Variants in TRIM67 observed in about 807,000 individuals in gnomAD.
TRIM67 encodes the protein tripartite motif-containing protein 67.
In TRIM67, 39 loss-of-function variants were observed where a neutral mutation model predicts 71.0. The ratio of observed to expected loss-of-function variants is 0.55; its 90% CI spans 0.43 to 0.72. TRIM67 has a LOEUF of 0.72. Ranked by LOEUF, TRIM67 falls within the 30% of genes least tolerant of loss-of-function variation. The probability of loss-of-function intolerance (pLI) is 0.00; values close to 1 mark genes in which losing one functional copy is unlikely to be tolerated. For synonymous variants in TRIM67, 481 were observed against 473.9 expected, an observed-to-expected ratio of 1.01 and a Z score of -0.19; for missense variants, 973 against 1,079.2, an observed-to-expected ratio of 0.90 and a Z score of 1.38.
rs1322172292 is a variant in TRIM67 at position 231,201,469 on chromosome 1, C to T, written c.1486C>T (p.Leu496=). 6.2e-7 allele frequency: 1 copy of T among 1,613,928 alleles called. No individual in the cohort carries two copies. The highest frequency in any genetic ancestry group is 8.5e-7 in the Non-Finnish European group (1 of 1,179,870). ...TGATCTGACTTTGGACAGCGAGCCG[C>T]TGCTGCAGGCCATCCACCAGCTGGA... ...EFDLTLDSEP[L]LQAIHQLDFI... is the part of the protein sequence containing the mutation. The change falls in exon 5 of 10, where the codon CTG becomes TTG. Residue 496 remains leucine, a synonymous_variant. Transcript: ENST00000366653.
rs1684044454 is a variant in TRIM67 at position 231,217,521 on chromosome 1, G to A, written c.*2081G>A. ...GAGACGATCCCTAAAGATTGAGGAT[G>A]AAGAGGAGCCACCACTTTCCTGGGG... On this transcript the variant is annotated 3_prime_UTR_variant, in exon 10 of 10. Coordinates refer to ENST00000366653, the MANE Select transcript of TRIM67 (RefSeq NM_001004342.5). 7 of 1,006,706 alleles carry A rather than the reference G, an allele frequency of 7.0e-6. No homozygotes were observed. The South Asian group carries it at 2.9e-4, about 42-fold the overall frequency. 62.4% of individuals were successfully genotyped at this position (1,006,706 alleles called of 1,614,324 possible).
Position 231,217,068 on chromosome 1 carries a change from G to A in TRIM67, c.*1628G>A, listed in dbSNP as rs370988669. 21 of 985,866 alleles carry A rather than the reference G, an allele frequency of 2.1e-5. No homozygotes were observed. In the East Asian group the frequency reaches 3.4e-4, roughly 16 times the overall value. The allele number at this position is 985,866 out of a possible 1,614,324, so 61.1% of individuals were successfully genotyped here. On this transcript the variant is annotated 3_prime_UTR_variant, in exon 10 of 10. Coordinates refer to ENST00000366653, the MANE Select transcript of TRIM67 (RefSeq NM_001004342.5). The stretch of plus-strand genomic sequence containing the variant: ...TTCTGCCTTCCTGTTCAGACACCGC[G>A]CCTGCTTTCTGAGTAACTGCCTGCC...
rs773688046 is a variant in TRIM67 at position 231,186,337 on chromosome 1, C to G, written c.1045-11034C>G. On this transcript the variant is annotated intron_variant, in intron 1 of 9. Transcript: ENST00000366653. ...GGATTCCTGGTTTCAGCAGCGCATC[C>G]GTGGACCTCCTTTTAGTCCCTCTGT... is the stretch of plus-strand genomic sequence containing the variant. Among the ~76,000 whole-genome samples the G allele has an allele frequency of 2.0e-5, 3 of 152,182 alleles. No homozygotes were observed. In the East Asian group the frequency reaches 5.8e-4, roughly 29 times the overall value.
At chr1:231,180,945 AG>A (rs1317980993) in intron 1 of TRIM67, among the ~76,000 whole-genome samples, 2 of 149,832 alleles carry the variant, frequency 1.3e-5, no homozygotes, top group Non-Finnish European at 2.9e-5. Flanking sequence ...GCCACCTCTC[AG>A]GAGAAGGTTT....
chr1:231,218,075 G>A lies in TRIM67; in HGVS notation c.*2635G>A. The A allele has an allele frequency of 5.4e-6, 6 of 1,117,522 alleles. No individual in the cohort carries two copies. The highest frequency in any genetic ancestry group is 6.7e-6 in the Non-Finnish European group (6 of 900,666). 69.2% of individuals were successfully genotyped at this position (1,117,522 alleles called of 1,614,324 possible). A position where few individuals can be genotyped will look rare whatever the true frequency, so the allele number is the denominator to read the frequency against. On this transcript the variant is annotated 3_prime_UTR_variant, in exon 10 of 10. Coordinates refer to ENST00000366653, the MANE Select transcript of TRIM67 (RefSeq NM_001004342.5). The stretch of plus-strand genomic sequence containing the variant: ...GTCTTCAGCACAAAACACCTTCAAT[G>A]TTCTGACTTCAAAGAGAACGACAGG...
chr1:231,219,481 C>G lies in TRIM67; in HGVS notation c.*4041C>G. Reference sequence around the variant, plus strand: ...CAGCCTTTATCTTGATACCCAAGCCCAGGATTTTCCATGTGTCTTCAGGGG... The same window carrying G: ...CAGCCTTTATCTTGATACCCAAGCCGAGGATTTTCCATGTGTCTTCAGGGG... On this transcript the variant is annotated 3_prime_UTR_variant, in exon 10 of 10. Coordinates refer to ENST00000366653, the MANE Select transcript of TRIM67 (RefSeq NM_001004342.5). 9.5e-7 allele frequency: 1 copy of G among 1,054,638 alleles called. No homozygotes were observed. The highest frequency in any genetic ancestry group is 1.1e-6 in the Non-Finnish European group (1 of 872,352). The allele number at this position is 1,054,638 out of a possible 1,614,324, so 65.3% of individuals were successfully genotyped here.
chr1:231,185,393 C>A (rs577296294), intron 1 of TRIM67, among the ~76,000 whole-genome samples: 1 of 151,834 alleles, frequency 6.6e-6, no homozygotes, highest in Non-Finnish European at 1.5e-5. Context: ...ACAACCCAAA[C>A]AAGTGGAACC....
At position 231,167,860 on chromosome 1, in the gene TRIM67, A is replaced by G. The variant is rs148840774; in HGVS notation, c.1044+3847A>G. On this transcript the variant is annotated intron_variant, in intron 1 of 9. Coordinates refer to ENST00000366653, the MANE Select transcript of TRIM67 (RefSeq NM_001004342.5). ...GTTAGGCTTTAAAGGCTCAGAGGAA[A>G]CACCTCTTCTATTAAAAGGGATAAT... is the stretch of plus-strand genomic sequence containing the variant. Among the ~76,000 whole-genome samples, 542 of 152,312 alleles carry G rather than the reference A, an allele frequency of 3.6e-3. 2 individuals carry two copies. The highest frequency in any genetic ancestry group is 0.025 in the East Asian group (131 of 5,190).
chr1:231,213,586 C>T (rs2102765476), intron 8 of TRIM67, among the ~76,000 whole-genome samples: 2 of 152,196 alleles, frequency 1.3e-5, no homozygotes, highest in East Asian at 3.9e-4. Flanking sequence ...ACAAAATTAG[C>T]TGGGTCTCAT....
At chr1:231,214,816 TTGGCCTGACA>T (rs1266852441) in intron 9 of TRIM67, among the ~76,000 whole-genome samples, 1 of 148,932 alleles carries the variant, frequency 6.7e-6, no homozygotes, top group African/African-American at 2.5e-5. Context: ...AGGCTTAGGC[TTGGCCTGACA>T]TGGTGGCTCA....
At chr1:231,187,379 A>G (rs956659161) in intron 1 of TRIM67, 8 of 745,890 alleles carry the variant, frequency 1.1e-5, no homozygotes, top group Non-Finnish European at 1.6e-5. Flanking sequence ...CTTACCCAGG[A>G]GCCTCTACCT....
chr1:231,170,027 C>T (rs1682584914), intron 1 of TRIM67, among the ~76,000 whole-genome samples: 1 of 125,086 alleles, frequency 8.0e-6, no homozygotes, highest in African/African-American at 4.0e-5. Flanking sequence ...ACTCTTGTTG[C>T]CCAGGCTGGA....
At chr1:231,185,161 A>G (rs1345751983) in intron 1 of TRIM67, 3 of 1,532,808 alleles carry the variant, frequency 2.0e-6, no homozygotes. Context: ...CCAGCCAGCC[A>G]GCCTGTACTC....
chr1:231,194,064 C>T (rs1039670092), intron 1 of TRIM67, among the ~76,000 whole-genome samples: 10 of 152,188 alleles, frequency 6.6e-5, no homozygotes, highest in South Asian at 2.1e-4. Flanking sequence ...CACTGGCACG[C>T]GGATCTCACA....
At chr1:231,194,229 CT>C (rs1288461083) in intron 1 of TRIM67, among the ~76,000 whole-genome samples, 1 of 152,214 alleles carries the variant, frequency 6.6e-6, no homozygotes, top group Non-Finnish European at 1.5e-5. Context: ...AAAGGGGTTG[CT>C]ATTCTTTCCC....
At chr1:231,191,370 G>A (rs1195291616) in intron 1 of TRIM67, among the ~76,000 whole-genome samples, 1 of 152,188 alleles carries the variant, frequency 6.6e-6, no homozygotes, top group Non-Finnish European at 1.5e-5. Flanking sequence ...AAGCCTGGAA[G>A]TTATCTTTAT....
chr1:231,163,417 C>A lies in TRIM67; in HGVS notation c.448C>A (p.Leu150Met). 1 of 1,538,376 alleles carries A rather than the reference C, an allele frequency of 6.5e-7. No individual in the cohort carries two copies. The change falls in exon 1 of 10, where the codon CTG becomes ATG. Residue 150 changes from leucine (L) to methionine (M), a missense_variant. Around this residue, in one of 2 missense-constraint regions of TRIM67, gnomAD observed 795 missense variants for 831.3 expected, o/e 0.96. Transcript: ENST00000366653. ...AAARGAACSS[L>M]SSSSSSITCP... is the part of the protein sequence containing the mutation. ...GGCTCGGGGTGCCGCCTGCTCCTCG[C>A]TGTCCTCGTCTTCGAGCTCCATCAC...
chr1:231,199,208 C>T, intron 3 of TRIM67, 39 bp downstream of exon 3: 2 of 1,600,698 alleles, frequency 1.2e-6, no homozygotes, highest in East Asian at 2.2e-5. Context: ...ATCCCTGCCA[C>T]ATCCTCTGCA....
At position 231,174,255 on chromosome 1, in the gene TRIM67, T is replaced by C. The variant is rs368912131; in HGVS notation, c.1044+10242T>C. On this transcript the variant is annotated intron_variant, in intron 1 of 9. Transcript: ENST00000366653. Reference sequence around the variant, plus strand: ...TTCACTGCAACCTTGAACTCCTAGGTTCAAACAATCCTCCTGCCTCAGCCT... The same window carrying C: ...TTCACTGCAACCTTGAACTCCTAGGCTCAAACAATCCTCCTGCCTCAGCCT... Among the ~76,000 whole-genome samples, 5 of 151,648 alleles carry C rather than the reference T, an allele frequency of 3.3e-5. 1 individual carries two copies. Among genetic ancestry groups the C allele is most frequent in the African/African-American group, 1.2e-4 (5 of 41,316 alleles).
Sources: allele counts gnomAD v4.1 joint callset (sites outside exome capture counted in the v4.1 genomes callset), GRCh38; gene constraint gnomAD v4.1.1; regional missense constraint gnomAD v4.1.1; transcripts MANE v1.5; gene names NCBI Gene and HGNC (gene_info 2026-07-23, HGNC 2026-07-21).